Variants in MS4A6A observed in about 807,000 individuals in gnomAD.
MS4A6A encodes membrane spanning 4-domains A6A.
In MS4A6A, 19 loss-of-function variants were observed where a neutral mutation model predicts 20.6. That is an observed-to-expected ratio of 0.92 (90% CI 0.64 to 1.36). MS4A6A has a LOEUF of 1.36. Ranked by LOEUF, MS4A6A falls within the 40% of genes most tolerant of loss-of-function variation. The probability of loss-of-function intolerance (pLI) is 0.00; values close to 1 mark genes in which losing one functional copy is unlikely to be tolerated. For missense variants in MS4A6A, 272 were observed against 261.1 expected, an observed-to-expected ratio of 1.04 and a Z score of -0.29; for synonymous variants, 108 against 105.0, an observed-to-expected ratio of 1.03 and a Z score of -0.17.
chr11:60,181,413 CT>C, intron 2 of MS4A6A, 167 bp downstream of exon 2: 1 of 678,612 alleles, frequency 1.5e-6, no homozygotes, highest in Non-Finnish European at 2.5e-6. Flanking sequence ...AAGACAACCT[CT>C]TGTGGAAAAG....
rs576720732 is a variant in MS4A6A, at chr11:60,173,632, C to T, written c.550-503G>A. 2.1e-4 allele frequency among the ~76,000 whole-genome samples: 32 copies of T among 152,280 alleles called. No homozygotes were observed. The South Asian group carries it at 6.4e-3, about 31-fold the overall frequency. On this transcript the variant is annotated intron_variant, in intron 5 of 5. Coordinates refer to ENST00000528851, the MANE Select transcript of MS4A6A (RefSeq NM_022349.4). ...CAAGGAGGTTTTGACTGTGCAAGTC[C>T]TTTGTAAAATTTAGTATTGACATCC...
downstream of MS4A6A, chr11:60,172,234 T>C: frequency 6.2e-7 from 1 of 1,613,456 alleles, no homozygotes; most frequent in Non-Finnish European, 8.5e-7. Context: ...AATGTAACTG[T>C]GAGGCAGGAA....
Position 60,173,055 on chromosome 11 carries a change from C to T in MS4A6A, c.624G>A (p.Trp208Ter), listed in dbSNP as rs1856660545. The change falls in exon 6 of 6, where the codon TGG (tryptophan) becomes TGA (stop). Residue 208 changes from tryptophan (W) to a stop codon, truncating the protein, a stop_gained. Transcript: ENST00000528851. LOFTEE classifies it high-confidence loss of function. Reference sequence around the variant, plus strand: ...CAGGGAAGTCAGAGTAAGCCTGTTTCCACCGCAGCACAGCAGTGAGCACAG... The same window carrying T: ...CAGGGAAGTCAGAGTAAGCCTGTTTTCACCGCAGCACAGCAGTGAGCACAG... ...CLAVLTAVLR[W>*]KQAYSDFPGV... The T allele has an allele frequency of 6.2e-7, 1 of 1,614,104 alleles. No homozygotes were observed. The highest frequency in any genetic ancestry group is 2.2e-5 in the East Asian group (1 of 44,876).
chr11:60,183,299 G>A, upstream of MS4A6A: 3 of 887,586 alleles, frequency 3.4e-6, no homozygotes, highest in Non-Finnish European at 5.2e-6. Context: ...CTGTTGTTAG[G>A]CAAGTCTGTT....
At position 60,181,871 on chromosome 11, in the gene MS4A6A, T is replaced by C. The variant is rs1056522138; in HGVS notation, c.-14-130A>G. On this transcript the variant is annotated intron_variant, in intron 1 of 5. Transcript: ENST00000528851. ...GTCCATTAGAGAAAGAAACTGATAG[T>C]ATGGAACAGTGAAAACCACACAATC... is the stretch of plus-strand genomic sequence containing the variant. 9 of 863,952 alleles carry C rather than the reference T, an allele frequency of 1.0e-5. No individual in the cohort carries two copies. The African/African-American group carries it at 1.2e-4, about 11-fold the overall frequency. 53.5% of individuals were successfully genotyped at this position (863,952 alleles called of 1,614,324 possible). A position where few individuals can be genotyped will look rare whatever the true frequency, so the allele number is the denominator to read the frequency against.
downstream of MS4A6A, chr11:60,172,267 A>C: frequency 1.2e-6 from 2 of 1,609,292 alleles, no homozygotes; most frequent in South Asian, 2.2e-5. Context: ...GAAGAAACAA[A>C]ATATGTTAGG....
chr11:60,179,540 G>T, intron 3 of MS4A6A: 14 of 570,462 alleles, frequency 2.5e-5, no homozygotes, highest in South Asian at 1.1e-4. Flanking sequence ...CCTAATTCAT[G>T]GATTTTTTTT....
Position 60,174,326 on chromosome 11 carries a change from C to CTT in MS4A6A, c.549+1074_549+1075dup, listed in dbSNP as rs5792171. On this transcript the variant is annotated intron_variant, in intron 5 of 5. Transcript: ENST00000528851. ...CAAATATTCTGCAATTTCTTTATTC[C>CTT]TTTTTTTTTTTTTTTGAGACGGAGT... Among the ~76,000 whole-genome samples, 727 of 142,028 alleles carry CTT rather than the reference C, an allele frequency of 5.1e-3. 6 individuals carry two copies. The highest frequency in any genetic ancestry group is 0.036 in the Middle Eastern group (10 of 274). 93.2% of individuals were successfully genotyped at this position (142,028 alleles called of 152,430 possible). A position where few individuals can be genotyped will look rare whatever the true frequency, so the allele number is the denominator to read the frequency against.
In MS4A6A at chr11:60,178,296, T is replaced by G. The variant is rs1856951330; in HGVS notation, c.303A>C (p.Leu101=). Residue 101 remains leucine, a synonymous_variant, in exon 4 of 6, where the codon CTA becomes CTC. Transcript: ENST00000528851. The part of the protein sequence containing the change: ...GPFFFIISGS[L]SIATEKRLTK... The stretch of plus-strand genomic sequence containing the variant: ...TTAACCTTTTCTCTGTGGCGATTGA[T>G]AGAGAGCCAGAGATGATAAACTAAG... The G allele has an allele frequency of 6.2e-7, 1 of 1,613,704 alleles. No homozygotes were observed. Among genetic ancestry groups the G allele is most frequent in the African/African-American group, 1.3e-5 (1 of 75,036 alleles).
upstream of MS4A6A, chr11:60,183,410 G>A (rs1176403766): frequency 2.6e-5 from 13 of 505,732 alleles, no homozygotes; most frequent in East Asian, 4.1e-4. Flanking sequence ...AGCCTATGCT[G>A]CTTTGAAGCT....
At chr11:60,183,286 T>C (rs549167890), upstream of MS4A6A, 1,062 of 1,041,642 alleles carry the variant, frequency 1.0e-3, 20 homozygotes, top group South Asian at 0.015. Context: ...ACATACAAGT[T>C]TCCTGTTGTT....
upstream of MS4A6A, chr11:60,184,465 C>T (rs924370302): frequency 5.1e-4 from 78 of 152,330 alleles, no homozygotes; most frequent in African/African-American, 1.5e-3. Context: ...AGCCCAGTCT[C>T]TTTGGTCTCT....
intron 4 of MS4A6A, among the ~76,000 whole-genome samples, chr11:60,175,939 A>G (rs1856814972): frequency 6.6e-6 from 1 of 152,166 alleles, no homozygotes; most frequent in Admixed American, 6.5e-5. Flanking sequence ...AGAGAGCGTG[A>G]CCCAAAGTGA....
intron 5 of MS4A6A, among the ~76,000 whole-genome samples, chr11:60,174,380 G>C (rs1028864179): frequency 5.4e-5 from 8 of 149,336 alleles, no homozygotes; most frequent in Admixed American, 4.7e-4. Flanking sequence ...CTGGAGTGCA[G>C]TGGCGTGATC....
chr11:60,177,990 G>A lies in MS4A6A; in HGVS notation c.339+270C>T, dbSNP rs181307764. ...TATCACCGAAAGAACCTCATAAACA[G>A]GCACAATTTCTCTGTGATACATTCT... On this transcript the variant is annotated intron_variant, in intron 4 of 5. Transcript: ENST00000528851. 14 of 400,892 alleles carry A rather than the reference G, an allele frequency of 3.5e-5. No individual in the cohort carries two copies. In the Admixed American group the frequency reaches 3.7e-4, roughly 10 times the overall value. The allele number at this position is 400,892 out of a possible 1,614,324, so 24.8% of individuals were successfully genotyped here. A position where few individuals can be genotyped will look rare whatever the true frequency, so the allele number is the denominator to read the frequency against.
downstream of MS4A6A, chr11:60,172,462 T>A (rs902432326): frequency 2.4e-6 from 3 of 1,267,786 alleles, no homozygotes. Flanking sequence ...CAAGGCTTTT[T>A]AATTCAGTTA....
At chr11:60,176,212 T>C (rs1188811099) in intron 4 of MS4A6A, among the ~76,000 whole-genome samples, 1 of 152,062 alleles carries the variant, frequency 6.6e-6, no homozygotes, top group Non-Finnish European at 1.5e-5. Context: ...TGGGCAGGCA[T>C]ATGATTGGCC....
chr11:60,184,331 G>T (rs372984372), upstream of MS4A6A: 17 of 152,246 alleles, frequency 1.1e-4, no homozygotes, highest in African/African-American at 4.1e-4. Flanking sequence ...CAAGCTCCTG[G>T]CGCCCCTTCC....
chr11:60,173,195 A>T (rs542580128), intron 5 of MS4A6A, 66 bp from the exon 6 acceptor site: 67 of 1,411,212 alleles, frequency 4.7e-5, no homozygotes, highest in Non-Finnish European at 6.4e-5. Context: ...CCTAGTTGAG[A>T]GGTGACCATA....
Sources: allele counts gnomAD v4.1 joint callset (sites outside exome capture counted in the v4.1 genomes callset), GRCh38; gene constraint gnomAD v4.1.1; transcripts MANE v1.5; gene names NCBI Gene and HGNC (gene_info 2026-07-23, HGNC 2026-07-21).